The following TDRKH variants were observed in gnomAD, a reference collection of about 807,000 sequenced individuals.
TDRKH encodes tudor and KH domain containing, also known as tudor and KH domain-containing protein.
Under a neutral mutation model 61.3 loss-of-function variants are expected in TDRKH, and 28 were observed. The ratio of observed to expected loss-of-function variants is 0.46; its 90% CI spans 0.34 to 0.63. The LOEUF (loss-of-function observed/expected upper bound fraction) is 0.63, where lower values mean the gene tolerates loss of function less well. Ranked by LOEUF, TDRKH falls within the 20% of genes least tolerant of loss-of-function variation. TDRKH has a pLI of 0.01. For synonymous variants in TDRKH, 219 were observed against 244.4 expected (o/e 0.90, Z 0.97); for missense variants, 540 against 683.4 (o/e 0.79, Z 2.34).
chr1:151,775,951 G>T lies in TDRKH; in HGVS notation c.1218-67C>A. 21 of 1,587,732 alleles carry T rather than the reference G, an allele frequency of 1.3e-5. No homozygotes were observed. In the South Asian group the frequency reaches 2.2e-4, roughly 17 times the overall value. On this transcript the variant is annotated intron_variant, in intron 8 of 12. Coordinates refer to ENST00000368824, the MANE Select transcript of TDRKH (RefSeq NM_001083965.2). The stretch of plus-strand genomic sequence containing the variant: ...ACATCTTCTTACATTGCTGCTTTCA[G>T]AAAGAACCAACTAACATGAGACGAT...
In TDRKH at chr1:151,779,084, A is replaced by C; in HGVS notation, c.561+19T>G. On this transcript the variant is annotated intron_variant, in intron 5 of 12. Coordinates refer to ENST00000368824, the MANE Select transcript of TDRKH (RefSeq NM_001083965.2). ...ATCTTCTCATGCTCAGGTATAATTCAAGTCTATTAGCTACTTGCCTTGGCT... is the reference window on the plus strand; with the variant it reads ...ATCTTCTCATGCTCAGGTATAATTCCAGTCTATTAGCTACTTGCCTTGGCT... 6.2e-7 allele frequency: 1 copy of C among 1,613,742 alleles called. No homozygotes were observed. The highest frequency in any genetic ancestry group is 1.1e-5 in the South Asian group (1 of 91,006).
intron 2 of TDRKH, chr1:151,782,021 T>C: frequency 2.2e-6 from 1 of 455,484 alleles, no homozygotes; most frequent in South Asian, 1.6e-5. Context: ...TACTAACAAC[T>C]AATTAGAGAA....
intron 8 of TDRKH, 27 bp from the exon 9 acceptor site, chr1:151,775,911 A>G (rs764079658): frequency 2.5e-6 from 4 of 1,608,178 alleles, no homozygotes; most frequent in Non-Finnish European, 3.4e-6. Context: ...TAAAATTAGA[A>G]TCCTGGGGCC....
At chr1:151,781,362 A>C in intron 3 of TDRKH, 119 bp downstream of exon 3, 1 of 433,222 alleles carries the variant, frequency 2.3e-6, no homozygotes. Context: ...ATACACACAC[A>C]CATACACACA....
rs1393895049 is a variant in TDRKH, at chr1:151,778,812, A to C, written c.756T>G (p.Thr252=). ...TGTCGCCTCCTCCTTTGGGTGGAGG[A>C]GTCACCAGGGGTGCAGTCGGCTCCA... ...SSMEPTAPLV[T]PPPKGGGDMA... The change falls in exon 6 of 13, where the codon ACT becomes ACG. Residue 252 remains threonine (T), a synonymous_variant. Coordinates refer to ENST00000368824, the MANE Select transcript of TDRKH (RefSeq NM_001083965.2). 5 of 1,614,138 alleles carry C rather than the reference A, an allele frequency of 3.1e-6. 1 individual carries two copies. In the South Asian group the frequency reaches 5.5e-5, roughly 18 times the overall value.
intron 3 of TDRKH, 107 bp from the exon 4 acceptor site, chr1:151,780,247 G>A: frequency 9.0e-7 from 1 of 1,112,418 alleles, no homozygotes; most frequent in South Asian, 1.6e-5. Context: ...TTAGCCAAAG[G>A]AATTAGCTAA....
chr1:151,778,551 C>T (rs1649431363), intron 6 of TDRKH, 134 bp downstream of exon 6: 1 of 1,552,466 alleles, frequency 6.4e-7, no homozygotes, highest in Admixed American at 1.7e-5. Context: ...AAATATCTTA[C>T]CGAATCTTCT....
downstream of TDRKH, chr1:151,770,073 T>C (rs1169549112): frequency 6.4e-7 from 1 of 1,552,584 alleles, no homozygotes; most frequent in African/African-American, 1.4e-5. Context: ...AGGGAGACCG[T>C]GGAGAGAGAG....
chr1:151,767,220 C>G, downstream of TDRKH: 1 of 1,614,036 alleles, frequency 6.2e-7, no homozygotes, highest in Non-Finnish European at 8.5e-7. Context: ...GCCTCCAGTG[C>G]TCCTGAGTCC....
downstream of TDRKH, among the ~76,000 whole-genome samples, chr1:151,769,882 G>A (rs1049424827): frequency 6.6e-6 from 1 of 152,226 alleles, no homozygotes; most frequent in African/African-American, 2.4e-5. Flanking sequence ...AGACCAGCCC[G>A]GCCAACACAG....
At chr1:151,778,021 T>C (rs1649373610) in intron 6 of TDRKH, among the ~76,000 whole-genome samples, 1 of 152,076 alleles carries the variant, frequency 6.6e-6, no homozygotes, top group Non-Finnish European at 1.5e-5. Flanking sequence ...ACCTAAAAGG[T>C]TGGAAATTAA....
At position 151,778,977 on chromosome 1, in the gene TDRKH, A is replaced by G. The variant is rs1271128077; in HGVS notation, c.591T>C (p.Asp197=). 1.9e-6 allele frequency: 3 copies of G among 1,614,072 alleles called. No individual in the cohort carries two copies. In the Admixed American group the frequency reaches 5.0e-5, roughly 27 times the overall value. Residue 197 remains aspartate, a synonymous_variant, in exon 6 of 13, where the codon GAT becomes GAC. Transcript: ENST00000368824. The stretch of plus-strand genomic sequence containing the variant: ...GAGCAATTCTCTTCCGAAGTTCTTC[A>G]TCTTCTGAAACTTTCTCCAGTATCA... ...KHLILEKVSE[D]EELRKRIAHS...
rs746870859 is a variant in TDRKH at position 151,775,151 on chromosome 1, G to A, written c.1450C>T (p.Leu484=). The part of the protein sequence containing the change: ...TSNGKKLDIG[L]ELVHKGYAIE... ...GCGTATCCTTTGTGTACTAATTCTA[G>A]CCCAATATCAAGTTTCTGAGAAGAA... The change falls in exon 11 of 13, where the codon CTA becomes TTA. Residue 484 remains leucine, a synonymous_variant. Transcript: ENST00000368824. 1.2e-6 allele frequency: 2 copies of A among 1,613,998 alleles called. No homozygotes were observed. The highest frequency in any genetic ancestry group is 1.7e-6 in the Non-Finnish European group (2 of 1,179,996).
chr1:151,770,099 GGGGAGACGGAGAC>G (rs1648607704), downstream of TDRKH: 10 of 453,460 alleles, frequency 2.2e-5, no homozygotes, highest in Middle Eastern at 4.8e-4. Context: ...GGGAGACCAT[GGGGAGACGGAGAC>G]GGAGAGGGAG....
downstream of TDRKH, chr1:151,771,223 T>C (rs968569904): frequency 1.2e-6 from 2 of 1,612,514 alleles, no homozygotes; most frequent in Admixed American, 1.7e-5. Flanking sequence ...TCCTTGAACA[T>C]GCTTATTCCA....
intron 2 of TDRKH, chr1:151,782,011 T>C: frequency 2.2e-6 from 1 of 457,048 alleles, no homozygotes; most frequent in South Asian, 1.6e-5. Context: ...AAGTGCCTTC[T>C]ACTAACAACT....
downstream of TDRKH, chr1:151,771,987 C>G (rs534942695): frequency 5.0e-6 from 2 of 398,630 alleles, no homozygotes; most frequent in South Asian, 1.3e-4. Flanking sequence ...CAGGCAACAT[C>G]TGAAACATCA....
At chr1:151,768,182 G>T, downstream of TDRKH, 1 of 1,613,792 alleles carries the variant, frequency 6.2e-7, no homozygotes, top group Non-Finnish European at 8.5e-7. Flanking sequence ...TGTGACCGTC[G>T]ACTCTTCCTG....
intron 2 of TDRKH, chr1:151,781,826 C>A: frequency 2.0e-6 from 1 of 495,910 alleles, no homozygotes; most frequent in Non-Finnish European, 3.7e-6. Context: ...AAAGCAGATT[C>A]TGCAATAAAC....
Sources: gnomAD v4.1 joint callset for allele counts (sites outside exome capture counted in the v4.1 genomes callset) on GRCh38, gnomAD v4.1.1 for gene constraint, MANE v1.5 for transcripts, NCBI Gene and HGNC (gene_info 2026-07-23, HGNC 2026-07-21) for gene names.